TASP1: variants seen among roughly 807,000 people sequenced by gnomAD.
The protein encoded by TASP1 is taspase 1, also known as threonine aspartase 1.
In TASP1, 16 loss-of-function variants were observed where a neutral mutation model predicts 56.6. That is an observed-to-expected ratio of 0.28 (90% confidence interval 0.19 to 0.43). TASP1 has a LOEUF of 0.43. Ranked by LOEUF, TASP1 falls within the 20% of genes least tolerant of loss-of-function variation. The pLI is 1.00. For missense variants in TASP1, 393 were observed against 511.6 expected (o/e 0.77, Z 2.24); for synonymous variants, 179 against 184.2 (o/e 0.97, Z 0.23).
chr20:13,249,717 TG>T, the TASP1 span, among the ~76,000 whole-genome samples: 1 of 152,210 alleles, frequency 6.6e-6, no homozygotes, highest in East Asian at 1.9e-4. Flanking sequence ...GAACACACAA[TG>T]GGAAGCCAAA....
the TASP1 span, among the ~76,000 whole-genome samples, chr20:13,318,234 A>G: frequency 9.8e-5 from 15 of 152,314 alleles, no homozygotes; most frequent in Non-Finnish European, 2.2e-4. Flanking sequence ...ATATAAAAAG[A>G]TATTTCACAT....
At chr20:13,446,459 AC>A (rs1173460768) in intron 11 of TASP1, among the ~76,000 whole-genome samples, 1 of 152,154 alleles carries the variant, frequency 6.6e-6, no homozygotes, top group Non-Finnish European at 1.5e-5. Flanking sequence ...GAAATGTACT[AC>A]AAAAACCACC....
chr20:13,204,528 C>CATATATATATATATATATATATATATAT, the TASP1 span, among the ~76,000 whole-genome samples: 136 of 145,272 alleles, frequency 9.4e-4, 1 homozygote, highest in East Asian at 3.6e-3. Flanking sequence ...TTTATATATT[C>CATATATATATATATATATATATATATAT]ATATATATAT....
At chr20:13,193,673 G>A in the TASP1 span, among the ~76,000 whole-genome samples, 1 of 152,158 alleles carries the variant, frequency 6.6e-6, no homozygotes, top group African/African-American at 2.4e-5. Flanking sequence ...TCTCGTATGG[G>A]TTCAGCTGCT....
intron 8 of TASP1, among the ~76,000 whole-genome samples, chr20:13,556,873 A>G (rs2046176557): frequency 6.6e-6 from 1 of 152,210 alleles, no homozygotes; most frequent in African/African-American, 2.4e-5. Flanking sequence ...ACTCTATATC[A>G]CATCATTTTG....
At chr20:13,621,612 G>A (rs6033774) in intron 4 of TASP1, among the ~76,000 whole-genome samples, 4,321 of 151,784 alleles carry the variant, frequency 0.028, 216 homozygotes, top group African/African-American at 0.096. Context: ...CAAGTTATCC[G>A]AAACTGTAAG....
Position 13,389,999 on chromosome 20 carries a change from CCTGCAACTTTAGGTTTTA to C in TASP1, c.*343_*360del, listed in dbSNP as rs2041212655. 1 of 192,026 alleles carries C rather than the reference CCTGCAACTTTAGGTTTTA, an allele frequency of 5.2e-6. No individual in the cohort carries two copies. Among genetic ancestry groups the C allele is most frequent in the Non-Finnish European group, 1.1e-5 (1 of 91,924 alleles). 11.9% of individuals were successfully genotyped at this position (192,026 alleles called of 1,614,324 possible). A position where few individuals can be genotyped will look rare whatever the true frequency, so the allele number is the denominator to read the frequency against. On this transcript the variant is annotated 3_prime_UTR_variant, in exon 14 of 14. Transcript: ENST00000337743. ...CCTCTTTACGAAATAAAAAATGTTTCCTGCAACTTTAGGTTTTACTTGTAAACAGTTAAAGCACACATT... is the reference window on the plus strand; with the variant it reads ...CCTCTTTACGAAATAAAAAATGTTTCCTTGTAAACAGTTAAAGCACACATT...
At chr20:13,323,629 T>A in the TASP1 span, among the ~76,000 whole-genome samples, 1 of 152,242 alleles carries the variant, frequency 6.6e-6, no homozygotes, top group Non-Finnish European at 1.5e-5. Flanking sequence ...CATACGACTA[T>A]AATTCTCATT....
chr20:13,528,553 ATATGTAAT>A (rs2045082893), intron 9 of TASP1, 42 bp from the exon 10 acceptor site: 1 of 1,502,702 alleles, frequency 6.7e-7, no homozygotes, highest in Non-Finnish European at 9.0e-7. Flanking sequence ...CAGAAATATC[ATATGTAAT>A]TATTAGTTTT....
chr20:13,620,040 A>C (rs2048653574), intron 4 of TASP1, among the ~76,000 whole-genome samples: 1 of 152,190 alleles, frequency 6.6e-6, no homozygotes, highest in Admixed American at 6.5e-5. Flanking sequence ...GAAGGTGGTC[A>C]ATTTAATAGA....
chr20:13,626,904 C>T (rs74178050), intron 2 of TASP1, among the ~76,000 whole-genome samples: 1 of 115,658 alleles, frequency 8.6e-6, no homozygotes, highest in Non-Finnish European at 1.8e-5. Context: ...AGCAGAGCCC[C>T]CCCCCCACCC....
chr20:13,154,091 G>C, the TASP1 span: 1 of 1,614,148 alleles, frequency 6.2e-7, no homozygotes, highest in Non-Finnish European at 8.5e-7. Context: ...ATGGCAATGA[G>C]AATGCTTCTG....
At chr20:13,372,110 C>T in the TASP1 span, among the ~76,000 whole-genome samples, 1 of 152,152 alleles carries the variant, frequency 6.6e-6, no homozygotes, top group Non-Finnish European at 1.5e-5. Context: ...ACCCTCTCAG[C>T]TTTTGACTGG....
intron 10 of TASP1, among the ~76,000 whole-genome samples, chr20:13,496,248 T>C (rs1379922253): frequency 6.6e-6 from 1 of 151,990 alleles, no homozygotes; most frequent in African/African-American, 2.4e-5. Flanking sequence ...AGAGACAGGG[T>C]TTTGCCATGT....
Position 13,564,770 on chromosome 20 carries a change from G to T in TASP1, c.568+4737C>A, listed in dbSNP as rs115123325. 5.6e-3 allele frequency among the ~76,000 whole-genome samples: 854 copies of T among 152,000 alleles called. 9 individuals carry two copies. The highest frequency in any genetic ancestry group is 0.02 in the African/African-American group (823 of 41,474). ...TAATCCCAGCACTTTGGAGGCCGAG[G>T]CAGGCAAATCATTTGAAGTCAGGAG... is the stretch of plus-strand genomic sequence containing the variant. On this transcript the variant is annotated intron_variant, in intron 7 of 13. Coordinates refer to ENST00000337743, the MANE Select transcript of TASP1 (RefSeq NM_017714.3).
the TASP1 span, chr20:13,279,823 C>A: frequency 1.2e-6 from 2 of 1,614,032 alleles, no homozygotes; most frequent in South Asian, 2.2e-5. Context: ...CAGCAACTTC[C>A]TCAACCCCCC....
intron 13 of TASP1, chr20:13,393,017 G>A (rs1310591131): frequency 5.1e-6 from 3 of 582,728 alleles, no homozygotes; most frequent in East Asian, 7.6e-5. Context: ...TTGCAGCAGG[G>A]AGCCAAAAGG....
the TASP1 span, among the ~76,000 whole-genome samples, chr20:13,162,567 A>T: frequency 1.3e-5 from 2 of 152,150 alleles, no homozygotes; most frequent in African/African-American, 4.8e-5. Flanking sequence ...AGGCTCATAG[A>T]CTAGAAATAA....
chr20:13,382,056 A>G, the TASP1 span, among the ~76,000 whole-genome samples: 1 of 152,068 alleles, frequency 6.6e-6, no homozygotes, highest in African/African-American at 2.4e-5. Context: ...TCCTGGTGAG[A>G]TAGAGTAGGA....
Sources: gnomAD v4.1 joint callset for allele counts (sites outside exome capture counted in the v4.1 genomes callset) on GRCh38, gnomAD v4.1.1 for gene constraint, MANE v1.5 for transcripts, NCBI Gene and HGNC (gene_info 2026-07-23, HGNC 2026-07-21) for gene names.